HMCN1: variants seen among roughly 807,000 people sequenced by gnomAD.
HMCN1 encodes the protein hemicentin 1, also known as hemicentin-1.
Under a neutral mutation model 625.9 loss-of-function variants are expected in HMCN1, and 321 were observed. The observed-to-expected ratio is 0.51, with a 90% CI of 0.47 to 0.56. The LOEUF (loss-of-function observed/expected upper bound fraction) is 0.56, where lower values mean the gene tolerates loss of function less well. Among genes scored for constraint, HMCN1 ranks in the 20% least tolerant of loss-of-function variants. HMCN1 has a pLI of 0.00. For synonymous variants in HMCN1, 2,425 were observed against 2,417.6 expected (o/e 1.00, Z -0.09); for missense variants, 6,588 against 6,887.3 (o/e 0.96, Z 1.54).
chr1:185,875,391 A>G (rs1663866963), intron 4 of HMCN1, among the ~76,000 whole-genome samples: 1 of 152,092 alleles, frequency 6.6e-6, no homozygotes, highest in South Asian at 2.1e-4. Context: ...AATCAGACAT[A>G]GATATGATGT....
intron 102 of HMCN1, among the ~76,000 whole-genome samples, chr1:186,172,746 C>T (rs1294972900): frequency 6.6e-6 from 1 of 152,110 alleles, no homozygotes; most frequent in African/African-American, 2.4e-5. Context: ...CATTCTCATT[C>T]CTGCTAAAAA....
chr1:185,858,586 ATTTTTTTTTTTTTTTTTT>A lies in HMCN1; in HGVS notation c.340-5854_340-5837del, dbSNP rs71101980. Among the ~76,000 whole-genome samples the A allele has an allele frequency of 4.0e-3, 139 of 34,742 alleles. 5 individuals carry two copies. Among genetic ancestry groups the A allele is most frequent in the Non-Finnish European group, 4.7e-3 (84 of 17,940 alleles). The allele number at this position is 34,742 out of a possible 152,430, so 22.8% of individuals were successfully genotyped here. On this transcript the variant is annotated intron_variant, in intron 2 of 106. Transcript: ENST00000271588. ...GCCTATATGCCACCACACCCAGCTA[ATTTTTTTTTTTTTTTTTT>A]TTTTTTTTTTTTTTTTTTTTTTTTT...
At chr1:186,122,829 G>A in intron 80 of HMCN1, 122 bp from the exon 81 acceptor site, 1 of 1,043,776 alleles carries the variant, frequency 9.6e-7, no homozygotes, top group Non-Finnish European at 1.4e-6. Context: ...CTTTTCTAAT[G>A]ATATGGTGAA....
At chr1:185,756,307 C>G (rs1571309192) in intron 1 of HMCN1, among the ~76,000 whole-genome samples, 1 of 151,678 alleles carries the variant, frequency 6.6e-6, no homozygotes. Context: ...CTGTTCATAC[C>G]TTTTCTGCCA....
intron 74 of HMCN1, 85 bp from the exon 75 acceptor site, chr1:186,115,173 G>A: frequency 1.3e-6 from 2 of 1,525,864 alleles, no homozygotes; most frequent in Non-Finnish European, 1.8e-6. Context: ...AGTTAATAAT[G>A]ACTAATTTCA....
rs202061344 is a variant in HMCN1, at chr1:186,189,896, A to G, written c.*18A>G. 3.0e-5 allele frequency: 49 copies of G among 1,612,318 alleles called. No individual in the cohort carries two copies. Among genetic ancestry groups the G allele is most frequent in the Non-Finnish European group, 3.8e-5 (45 of 1,179,456 alleles). ...CATACTAAGGAACTCTCCAAAGCCT[A>G]TTCCACATATTTAAACCGCATTAAT... On this transcript the variant is annotated 3_prime_UTR_variant, in exon 107 of 107. Transcript: ENST00000271588.
At chr1:186,117,164 C>T (rs371880048) in intron 76 of HMCN1, 49 bp downstream of exon 76, 8 of 1,604,310 alleles carry the variant, frequency 5.0e-6, no homozygotes, top group African/African-American at 4.0e-5. Context: ...GCTATCACTT[C>T]GTTATTCTAC....
At chr1:185,865,619 AC>A in intron 3 of HMCN1, 121 bp from the exon 4 acceptor site, 11 of 737,610 alleles carry the variant, frequency 1.5e-5, no homozygotes, top group Non-Finnish European at 2.3e-5. Context: ...ACACACACAC[AC>A]ACACACACAC....
intron 13 of HMCN1, among the ~76,000 whole-genome samples, chr1:185,965,126 A>G (rs755187031): frequency 6.6e-6 from 1 of 152,142 alleles, no homozygotes; most frequent in Non-Finnish European, 1.5e-5. Flanking sequence ...TCTCGTTAAG[A>G]GAAAATGTTT....
chr1:186,041,881 C>G (rs906764678), intron 40 of HMCN1, among the ~76,000 whole-genome samples: 6 of 152,116 alleles, frequency 3.9e-5, no homozygotes, highest in Admixed American at 3.9e-4. Context: ...TGCAAGCCTT[C>G]TCCTTAAAGT....
At chr1:185,769,118 T>G (rs1165997749) in intron 1 of HMCN1, among the ~76,000 whole-genome samples, 1 of 152,128 alleles carries the variant, frequency 6.6e-6, no homozygotes, top group African/African-American at 2.4e-5. Flanking sequence ...TTCCAAATAC[T>G]TTGGGAATAG....
intron 97 of HMCN1, 98 bp downstream of exon 97, chr1:186,154,085 A>G: frequency 4.1e-6 from 4 of 981,882 alleles, no homozygotes; most frequent in Non-Finnish European, 6.4e-6. Flanking sequence ...CTAACATGAT[A>G]TCAGGTTTTT....
intron 97 of HMCN1, among the ~76,000 whole-genome samples, chr1:186,157,875 A>G (rs952164983): frequency 6.6e-6 from 1 of 152,088 alleles, no homozygotes; most frequent in African/African-American, 2.4e-5. Context: ...AGTCTTTGCT[A>G]TTGTGAATAG....
At position 186,086,814 on chromosome 1, in the gene HMCN1, TGATAGATAGATAGATA is replaced by T. The variant is rs10523445; in HGVS notation, c.9047-363_9047-348del. On this transcript the variant is annotated intron_variant, in intron 58 of 106. Coordinates refer to ENST00000271588, the MANE Select transcript of HMCN1 (RefSeq NM_031935.3). ...GATAGATGATAGATAGATAGATAGA[TGATAGATAGATAGATA>T]GATAGATAGATAGATAGATAGATAG... Among the ~76,000 whole-genome samples, 570 of 73,696 alleles carry T rather than the reference TGATAGATAGATAGATA, an allele frequency of 7.7e-3. 7 individuals carry two copies. Among genetic ancestry groups the T allele is most frequent in the East Asian group, 0.076 (210 of 2,748 alleles). The allele number at this position is 73,696 out of a possible 152,430, so 48.3% of individuals were successfully genotyped here.
At chr1:185,822,739 T>A (rs1359734011) in intron 1 of HMCN1, among the ~76,000 whole-genome samples, 4 of 152,184 alleles carry the variant, frequency 2.6e-5, no homozygotes, top group Non-Finnish European at 5.9e-5. Context: ...AGTAAGTAGT[T>A]TTGCTGAGAA....
intron 1 of HMCN1, among the ~76,000 whole-genome samples, chr1:185,742,938 C>G (rs1366624033): frequency 2.6e-5 from 4 of 152,088 alleles, no homozygotes; most frequent in Non-Finnish European, 2.9e-5. Flanking sequence ...GGCATGTTTC[C>G]CATTTAACAG....
intron 4 of HMCN1, among the ~76,000 whole-genome samples, chr1:185,874,204 C>A (rs1332177038): frequency 6.7e-6 from 1 of 148,192 alleles, no homozygotes; most frequent in Non-Finnish European, 1.5e-5. Flanking sequence ...GTGAGCTTAT[C>A]TAATGAAGCA....
chr1:186,154,390 C>T (rs1035216844), intron 97 of HMCN1, among the ~76,000 whole-genome samples: 4 of 151,982 alleles, frequency 2.6e-5, no homozygotes, highest in African/African-American at 9.7e-5. Flanking sequence ...GTCGTGGGGG[C>T]GGGTGCCTGT....
intron 4 of HMCN1, among the ~76,000 whole-genome samples, chr1:185,880,286 G>A (rs750927870): frequency 2.0e-5 from 3 of 152,292 alleles, no homozygotes; most frequent in Middle Eastern, 3.4e-3. Flanking sequence ...TGGAAAAAAA[G>A]CATAGAACAT....
Sources: allele counts gnomAD v4.1 joint callset (sites outside exome capture counted in the v4.1 genomes callset), GRCh38; gene constraint gnomAD v4.1.1; transcripts MANE v1.5; gene names NCBI Gene and HGNC (gene_info 2026-07-23, HGNC 2026-07-21).